The following EPHA3 variants were observed in gnomAD, a reference collection of about 807,000 sequenced individuals.
EPHA3 encodes ephrin type-A receptor 3.
EPHA3 carries 42 observed loss-of-function variants against 107.1 expected under a neutral mutation model. The ratio of observed to expected loss-of-function variants is 0.39; its 90% CI spans 0.31 to 0.51. The LOEUF is 0.51. Ranked by LOEUF, EPHA3 falls within the 20% of genes least tolerant of loss-of-function variation. The probability of loss-of-function intolerance (pLI) is 0.78; values close to 1 mark genes in which losing one functional copy is unlikely to be tolerated. For synonymous variants in EPHA3, 461 were observed against 424.8 expected (o/e 1.09, Z -1.05); for missense variants, 1,183 against 1,211.2 (o/e 0.98, Z 0.35).
At chr3:89,122,044 T>C (rs1374814270) in intron 1 of EPHA3, among the ~76,000 whole-genome samples, 1 of 152,220 alleles carries the variant, frequency 6.6e-6, no homozygotes, top group Non-Finnish European at 1.5e-5. Context: ...TAACACTGAG[T>C]ACAAAGTTTA....
At chr3:89,109,784 C>A (rs1401497121) in intron 1 of EPHA3, among the ~76,000 whole-genome samples, 1 of 152,000 alleles carries the variant, frequency 6.6e-6, no homozygotes, top group African/African-American at 2.4e-5. Context: ...ATTCAGAAAG[C>A]TGACATAATT....
At chr3:89,214,308 C>T (rs1179157327) in intron 3 of EPHA3, among the ~76,000 whole-genome samples, 3 of 151,942 alleles carry the variant, frequency 2.0e-5, no homozygotes, top group African/African-American at 7.2e-5. Context: ...GGATGTATTG[C>T]TTAGTCCACT....
At chr3:89,426,841 T>C (rs1709467054) in intron 11 of EPHA3, among the ~76,000 whole-genome samples, 1 of 151,872 alleles carries the variant, frequency 6.6e-6, no homozygotes, top group Non-Finnish European at 1.5e-5. Flanking sequence ...AAACTGATGG[T>C]GATTTATAGA....
chr3:89,466,540 G>A lies in EPHA3; in HGVS notation c.2691-5924G>A, dbSNP rs563907850. Among the ~76,000 whole-genome samples the A allele has an allele frequency of 4.1e-4, 55 of 133,548 alleles. 8 individuals carry two copies. Among genetic ancestry groups the A allele is most frequent in the African/African-American group, 7.3e-4 (25 of 34,386 alleles). The allele number at this position is 133,548 out of a possible 152,430, so 87.6% of individuals were successfully genotyped here. A position where few individuals can be genotyped will look rare whatever the true frequency, so the allele number is the denominator to read the frequency against. ...GTGGGATATAGTCTTGTGGTGCGCCGTTTCTTAAGCCGGTCTGAAAAGCGC... is the reference window on the plus strand; with the variant it reads ...GTGGGATATAGTCTTGTGGTGCGCCATTTCTTAAGCCGGTCTGAAAAGCGC... On this transcript the variant is annotated intron_variant, in intron 15 of 16. Coordinates refer to ENST00000336596, the MANE Select transcript of EPHA3 (RefSeq NM_005233.6).
intron 5 of EPHA3, among the ~76,000 whole-genome samples, chr3:89,375,242 T>C (rs952926882): frequency 6.6e-6 from 1 of 151,826 alleles, no homozygotes; most frequent in Non-Finnish European, 1.5e-5. Flanking sequence ...TAAAGCTTTA[T>C]ATGGTCTCGG....
At chr3:89,354,354 A>T (rs73846146) in intron 5 of EPHA3, among the ~76,000 whole-genome samples, 5,872 of 151,278 alleles carry the variant, frequency 0.039, 419 homozygotes, top group African/African-American at 0.13. Context: ...ACTCTTTCAT[A>T]ATAAATTCTT....
intron 1 of EPHA3, among the ~76,000 whole-genome samples, chr3:89,118,681 T>C (rs1197657036): frequency 1.3e-5 from 2 of 151,940 alleles, no homozygotes; most frequent in African/African-American, 4.8e-5. Context: ...TGTTACATAA[T>C]GACTCATCTT....
chr3:89,367,647 C>G (rs956262641), intron 5 of EPHA3, among the ~76,000 whole-genome samples: 1 of 150,806 alleles, frequency 6.6e-6, no homozygotes, highest in African/African-American at 2.4e-5. Context: ...CACAAATTTC[C>G]AATCATAATT....
intron 1 of EPHA3, among the ~76,000 whole-genome samples, chr3:89,123,439 G>A (rs564317176): frequency 9.9e-5 from 15 of 152,092 alleles, no homozygotes; most frequent in Admixed American, 4.6e-4. Context: ...CACCGCGCCC[G>A]CCACTATACT....
At chr3:89,434,202 A>C (rs1399691277) in intron 13 of EPHA3, among the ~76,000 whole-genome samples, 1 of 151,926 alleles carries the variant, frequency 6.6e-6, no homozygotes, top group Non-Finnish European at 1.5e-5. Flanking sequence ...TGCCATATTA[A>C]ATTATTTATT....
At chr3:89,144,476 G>T (rs1447637852) in intron 2 of EPHA3, among the ~76,000 whole-genome samples, 2 of 151,562 alleles carry the variant, frequency 1.3e-5, no homozygotes, top group Non-Finnish European at 3.0e-5. Flanking sequence ...TACTTATTGA[G>T]GTGTGCTTCT....
intron 9 of EPHA3, among the ~76,000 whole-genome samples, chr3:89,412,119 G>A (rs531945924): frequency 4.5e-4 from 69 of 151,816 alleles, no homozygotes; most frequent in African/African-American, 1.3e-3. Flanking sequence ...ATATAGTTTA[G>A]TAGATCTTAG....
Position 89,236,097 on chromosome 3 carries a change from TGAA to T in EPHA3, c.814+25583_814+25585del, listed in dbSNP as rs1466388268. ...TGTTTATTTTAGATATTTCAAGGAT[TGAA>T]GAAGATGTGATTTTTACATCTTCCA... On this transcript the variant is annotated intron_variant, in intron 3 of 16. Coordinates refer to ENST00000336596, the MANE Select transcript of EPHA3 (RefSeq NM_005233.6). Among the ~76,000 whole-genome samples, 11 of 152,200 alleles carry T rather than the reference TGAA, an allele frequency of 7.2e-5. No individual in the cohort carries two copies. The South Asian group carries it at 8.3e-4, about 11-fold the overall frequency.
chr3:89,398,411 G>T (rs962509511), intron 6 of EPHA3, among the ~76,000 whole-genome samples: 2 of 152,178 alleles, frequency 1.3e-5, no homozygotes, highest in Non-Finnish European at 2.9e-5. Context: ...AATGTACAAT[G>T]TGAATCTCCT....
At chr3:89,403,216 A>C (rs1708998514) in intron 7 of EPHA3, among the ~76,000 whole-genome samples, 1 of 152,218 alleles carries the variant, frequency 6.6e-6, no homozygotes, top group South Asian at 2.1e-4. Context: ...AAACTGAGAC[A>C]AAGGGAGGTT....
chr3:89,402,476 A>G (rs1020029304), intron 7 of EPHA3, among the ~76,000 whole-genome samples: 2 of 152,110 alleles, frequency 1.3e-5, no homozygotes, highest in African/African-American at 4.8e-5. Context: ...ATGAGAAAAA[A>G]ATGCCTTTTG....
intron 3 of EPHA3, among the ~76,000 whole-genome samples, chr3:89,300,214 T>A (rs2107344423): frequency 6.6e-6 from 1 of 152,070 alleles, no homozygotes; most frequent in South Asian, 2.1e-4. Context: ...TGGATTATTA[T>A]TTTTTTAATC....
intron 13 of EPHA3, among the ~76,000 whole-genome samples, chr3:89,435,539 C>A: frequency 1.4e-5 from 2 of 141,626 alleles, no homozygotes; most frequent in African/African-American, 2.6e-5. Context: ...AATACTATAT[C>A]TATATAAAGT....
At chr3:89,405,926 C>T (rs1709047922) in intron 7 of EPHA3, among the ~76,000 whole-genome samples, 1 of 152,114 alleles carries the variant, frequency 6.6e-6, no homozygotes, top group African/African-American at 2.4e-5. Flanking sequence ...TTTACACGCT[C>T]TGCTATGAAA....
Sources: gnomAD v4.1 joint callset for allele counts (sites outside exome capture counted in the v4.1 genomes callset) on GRCh38, gnomAD v4.1.1 for gene constraint, MANE v1.5 for transcripts, NCBI Gene and HGNC (gene_info 2026-07-23, HGNC 2026-07-21) for gene names.